INSC: variants seen among roughly 807,000 people sequenced by gnomAD.
The protein encoded by INSC is INSC spindle orientation adaptor protein, also known as protein inscuteable homolog.
A neutral mutation model predicts 58.6 loss-of-function variants in INSC; 67 were observed. The ratio of observed to expected loss-of-function variants is 1.14; its 90% CI spans 0.94 to 1.40. INSC has a LOEUF of 1.40. Ranked by LOEUF, INSC falls within the 40% of genes most tolerant of loss-of-function variation. The pLI is 0.00. For synonymous variants in INSC, 262 were observed against 276.1 expected (o/e 0.95, Z 0.51); for missense variants, 714 against 692.0 (o/e 1.03, Z -0.36).
intron 6 of INSC, among the ~76,000 whole-genome samples, chr11:15,197,547 C>T (rs1291302175): frequency 6.6e-6 from 1 of 152,214 alleles, no homozygotes. Context: ...CAGCCTTCCT[C>T]ATCCACCTCT....
In INSC at chr11:15,225,647, C is replaced by T. The variant is rs1851603624; in HGVS notation, c.992-3C>T. The T allele has an allele frequency of 6.2e-7, 1 of 1,613,470 alleles. No homozygotes were observed. Among genetic ancestry groups the T allele is most frequent in the Non-Finnish European group, 8.5e-7 (1 of 1,179,660 alleles). On this transcript the variant is annotated splice_region_variant and splice_polypyrimidine_tract_variant and intron_variant, in intron 8 of 12. Transcript: ENST00000379556. ...AGTTATTTTCTTTCTCTTTGCCATC[C>T]AGAACTGTGCCAAGAGGCCTCATCA...
chr11:15,216,205 C>T (rs11824274), intron 7 of INSC, among the ~76,000 whole-genome samples: 2 of 152,048 alleles, frequency 1.3e-5, no homozygotes, highest in Non-Finnish European at 2.9e-5. Flanking sequence ...AAGTGGTGAG[C>T]TAGGGAGGAG....
intron 1 of INSC, 36 bp from the exon 2 acceptor site, chr11:15,149,093 TA>T: frequency 6.5e-7 from 1 of 1,534,504 alleles, no homozygotes; most frequent in South Asian, 1.3e-5. Context: ...CCTCCTCTTT[TA>T]GGATCTCGTT....
In INSC at chr11:15,212,757, T is replaced by G. The variant is rs375696561; in HGVS notation, c.820-8720T>G. Among the ~76,000 whole-genome samples, 16 of 152,358 alleles carry G rather than the reference T, an allele frequency of 1.1e-4. No homozygotes were observed. In the East Asian group the frequency reaches 2.9e-3, roughly 28 times the overall value. ...AGTGTATAGATTCATTAGAGTTTTCTATGTACACAATTATGTCATCTGTCA... is the reference window on the plus strand; with the variant it reads ...AGTGTATAGATTCATTAGAGTTTTCGATGTACACAATTATGTCATCTGTCA... On this transcript the variant is annotated intron_variant, in intron 7 of 12. Coordinates refer to ENST00000379556, the MANE Select transcript of INSC (RefSeq NM_001042536.3).
intron 12 of INSC, chr11:15,241,501 T>C (rs1447004419): frequency 4.4e-6 from 3 of 688,518 alleles, no homozygotes; most frequent in African/African-American, 1.8e-5. Context: ...GATAAGTCAC[T>C]CAGTGCTATA....
chr11:15,119,244 A>G (rs2133681504), intron 1 of INSC, among the ~76,000 whole-genome samples: 1 of 152,298 alleles, frequency 6.6e-6, no homozygotes. Flanking sequence ...CAGGGATTGA[A>G]GGGGTGGGAA....
In INSC at chr11:15,158,874, T is replaced by TTTTA. The variant is rs1174209165; in HGVS notation, c.56+9647_56+9648insATTT. On this transcript the variant is annotated intron_variant, in intron 2 of 12. Transcript: ENST00000379556. The stretch of plus-strand genomic sequence containing the variant: ...AATTGTTGGTGGTTTTTTTTTTTTT[T>TTTTA]TTTTTTTGCCTGTTTGGGTCTTGGC... 2.0e-5 allele frequency among the ~76,000 whole-genome samples: 3 copies of TTTTA among 148,856 alleles called. No individual in the cohort carries two copies. In the South Asian group the frequency reaches 6.5e-4, roughly 32 times the overall value.
chr11:15,208,112 C>A (rs1294410163), intron 7 of INSC, among the ~76,000 whole-genome samples: 1 of 152,052 alleles, frequency 6.6e-6, no homozygotes, highest in African/African-American at 2.4e-5. Flanking sequence ...GAATGCAAGG[C>A]AAAAAAATCT....
At chr11:15,202,105 G>A (rs1850616593) in intron 7 of INSC, among the ~76,000 whole-genome samples, 1 of 152,170 alleles carries the variant, frequency 6.6e-6, no homozygotes, top group Non-Finnish European at 1.5e-5. Flanking sequence ...ACAAGGCTAT[G>A]GGTCAGAATG....
chr11:15,193,643 A>G (rs1850263978), intron 6 of INSC, among the ~76,000 whole-genome samples: 2 of 152,224 alleles, frequency 1.3e-5, no homozygotes, highest in South Asian at 4.1e-4. Context: ...ATGGCTGCAT[A>G]GTATTCCATG....
intron 2 of INSC, among the ~76,000 whole-genome samples, chr11:15,161,172 T>A (rs1174278003): frequency 6.6e-6 from 1 of 152,204 alleles, no homozygotes; most frequent in South Asian, 2.1e-4. Flanking sequence ...GATAAAGTGT[T>A]GGCAGTGCCA....
intron 7 of INSC, among the ~76,000 whole-genome samples, chr11:15,220,474 T>C (rs746137193): frequency 2.0e-5 from 3 of 152,226 alleles, no homozygotes; most frequent in Admixed American, 6.5e-5. Flanking sequence ...GGCTGAGGTC[T>C]GAGCTCAGGT....
chr11:15,188,232 G>C (rs1850043899), intron 5 of INSC: 1 of 985,286 alleles, frequency 1.0e-6, no homozygotes, highest in Non-Finnish European at 1.2e-6. Flanking sequence ...AGATGCGAAG[G>C]GAATGGGAAG....
At chr11:15,196,332 G>A (rs1448097495) in intron 6 of INSC, among the ~76,000 whole-genome samples, 1 of 152,230 alleles carries the variant, frequency 6.6e-6, no homozygotes, top group African/African-American at 2.4e-5. Context: ...CTGTTTTACA[G>A]GTTAGAACGC....
the INSC span, among the ~76,000 whole-genome samples, chr11:15,266,390 T>A: frequency 6.6e-6 from 1 of 152,162 alleles, no homozygotes; most frequent in East Asian, 1.9e-4. Context: ...TTAAGGTCAC[T>A]TATTACTAAA....
intron 2 of INSC, among the ~76,000 whole-genome samples, chr11:15,160,712 A>G (rs1848988080): frequency 6.6e-6 from 1 of 152,262 alleles, no homozygotes; most frequent in Non-Finnish European, 1.5e-5. Context: ...GTCATTGAAG[A>G]GAAGGCAGCT....
chr11:15,247,409 G>T (rs1945598), downstream of INSC, among the ~76,000 whole-genome samples: 43,704 of 151,828 alleles, frequency 0.29, 6,418 homozygotes, highest in African/African-American at 0.33. Flanking sequence ...TCTGGCAATA[G>T]CTATTACCAA....
chr11:15,123,680 C>G (rs1439704600), intron 1 of INSC, among the ~76,000 whole-genome samples: 1 of 152,122 alleles, frequency 6.6e-6, no homozygotes, highest in Non-Finnish European at 1.5e-5. Context: ...CTAAGAAGGT[C>G]CCTGGAGGAG....
intron 5 of INSC, among the ~76,000 whole-genome samples, chr11:15,180,455 A>G (rs559291020): frequency 6.6e-6 from 1 of 152,128 alleles, no homozygotes; most frequent in Non-Finnish European, 1.5e-5. Flanking sequence ...CTTGGAGCCT[A>G]CTTCCCTGGC....
Sources: allele counts gnomAD v4.1 joint callset (sites outside exome capture counted in the v4.1 genomes callset), GRCh38; gene constraint gnomAD v4.1.1; transcripts MANE v1.5; gene names NCBI Gene and HGNC (gene_info 2026-07-23, HGNC 2026-07-21).